Variants in KSR2 observed in about 807,000 individuals in gnomAD.
The protein encoded by KSR2 is kinase suppressor of ras 2.
In KSR2, 25 loss-of-function variants were observed where a neutral mutation model predicts 107.8. The ratio of observed to expected loss-of-function variants is 0.23; its 90% CI spans 0.17 to 0.32. The LOEUF (loss-of-function observed/expected upper bound fraction) is 0.32, where lower values mean the gene tolerates loss of function less well. KSR2 is among the 10% of genes least tolerant of loss of function. KSR2 has a pLI of 1.00. For synonymous variants in KSR2, 480 were observed against 507.0 expected (o/e 0.95, Z 0.71); for missense variants, 887 against 1,268.9 (o/e 0.70, Z 4.57).
intron 5 of KSR2, among the ~76,000 whole-genome samples, chr12:117,607,505 T>A (rs1412839822): frequency 6.6e-6 from 1 of 152,150 alleles, no homozygotes; most frequent in Non-Finnish European, 1.5e-5. Flanking sequence ...GCGCTGGAGC[T>A]GGGAACCCTG....
chr12:117,777,097 T>A (rs1403447517), intron 3 of KSR2, among the ~76,000 whole-genome samples: 1 of 106,436 alleles, frequency 9.4e-6, no homozygotes, highest in Non-Finnish European at 1.8e-5. Flanking sequence ...TTTATATATA[T>A]ATATATATAT....
intron 7 of KSR2, among the ~76,000 whole-genome samples, chr12:117,565,895 CAAGTTTAAGACTTG>C (rs1310690513): frequency 6.6e-6 from 1 of 152,196 alleles, no homozygotes; most frequent in African/African-American, 2.4e-5. Context: ...AGACTGCAAT[CAAGTTTAAGACTTG>C]AAGTTTAAGA....
At chr12:117,819,843 C>A (rs1891501222) in intron 3 of KSR2, among the ~76,000 whole-genome samples, 1 of 151,442 alleles carries the variant, frequency 6.6e-6, no homozygotes, top group African/African-American at 2.4e-5. Flanking sequence ...ATGACATGGC[C>A]CTCCAAAAAA....
intron 5 of KSR2, among the ~76,000 whole-genome samples, chr12:117,596,126 C>T (rs1565918159): frequency 7.0e-6 from 1 of 142,604 alleles, no homozygotes; most frequent in Non-Finnish European, 1.5e-5. Context: ...GTAATTTATA[C>T]AGAAAAAGAG....
chr12:117,914,874 T>A (rs1479332410), intron 1 of KSR2, among the ~76,000 whole-genome samples: 1 of 152,166 alleles, frequency 6.6e-6, no homozygotes, highest in Admixed American at 6.5e-5. Flanking sequence ...TGGTGTGAAC[T>A]GAGGCTGAAT....
intron 3 of KSR2, among the ~76,000 whole-genome samples, chr12:117,836,685 G>A (rs575866686): frequency 2.6e-5 from 4 of 152,310 alleles, no homozygotes; most frequent in African/African-American, 7.2e-5. Flanking sequence ...TGACGCAGCC[G>A]GGAGGCCCAG....
At chr12:117,603,392 A>G (rs1004739411) in intron 5 of KSR2, among the ~76,000 whole-genome samples, 3 of 152,250 alleles carry the variant, frequency 2.0e-5, no homozygotes, top group African/African-American at 7.2e-5. Context: ...GAACTTACAG[A>G]TAAGTCAACT....
At chr12:117,917,758 G>C (rs1420538449) in intron 1 of KSR2, among the ~76,000 whole-genome samples, 1 of 152,046 alleles carries the variant, frequency 6.6e-6, no homozygotes, top group Non-Finnish European at 1.5e-5. Context: ...ATACTCTGAA[G>C]CCTTACTGTA....
At chr12:117,646,310 C>T (rs1883636357) in intron 5 of KSR2, among the ~76,000 whole-genome samples, 1 of 152,304 alleles carries the variant, frequency 6.6e-6, no homozygotes, top group South Asian at 2.1e-4. Context: ...TCTGCAGAAG[C>T]AGCAGCTGAA....
At chr12:117,495,420 A>G (rs1197278755) in intron 14 of KSR2, among the ~76,000 whole-genome samples, 1 of 152,250 alleles carries the variant, frequency 6.6e-6, no homozygotes, top group African/African-American at 2.4e-5. Flanking sequence ...CATGCCAGAA[A>G]GCAAGTGAGA....
At position 117,469,707 on chromosome 12, in the gene KSR2, CG is replaced by C; in HGVS notation, c.2800del (p.Arg934GlufsTer75). On this transcript the variant is annotated frameshift_variant, in exon 19 of 20. Coordinates refer to ENST00000339824, the MANE Select transcript of KSR2 (RefSeq NM_173598.6). LOFTEE classifies it high-confidence loss of function. ...TCCAGGGTGAGACAGGCGACGGTTT[CG>C]CTTTGGCAGTTTCTCCAGCATGTCC... Reference protein sequence around the residue: ...LMDMLEKLPKRNRRLSHPGHF... With the variant: ...LMDMLEKLPKXNRRLSHPGHF... 1 of 1,613,584 alleles carries C rather than the reference CG, an allele frequency of 6.2e-7. No individual in the cohort carries two copies. The highest frequency in any genetic ancestry group is 8.5e-7 in the Non-Finnish European group (1 of 1,179,746).
intron 14 of KSR2, among the ~76,000 whole-genome samples, chr12:117,489,446 C>G (rs1020584285): frequency 2.8e-4 from 42 of 150,856 alleles, no homozygotes; most frequent in African/African-American, 8.8e-4. Flanking sequence ...ATTTGGGAGG[C>G]TGAGGAGGGA....
intron 1 of KSR2, among the ~76,000 whole-genome samples, chr12:117,880,805 T>G (rs1894002774): frequency 6.7e-6 from 1 of 150,126 alleles, no homozygotes; most frequent in African/African-American, 2.5e-5. Context: ...GTAGCTGGGA[T>G]TACAGGTGCA....
intron 3 of KSR2, among the ~76,000 whole-genome samples, chr12:117,840,512 C>T (rs1162631554): frequency 6.6e-6 from 1 of 152,144 alleles, no homozygotes; most frequent in Non-Finnish European, 1.5e-5. Flanking sequence ...TATCCTGCCT[C>T]AGCCTCTCAA....
intron 15 of KSR2, 41 bp from the exon 16 acceptor site, chr12:117,484,590 T>C: frequency 6.2e-7 from 1 of 1,607,388 alleles, no homozygotes; most frequent in Non-Finnish European, 8.5e-7. Flanking sequence ...GAGAAAAACC[T>C]AAGAGCTTGC....
intron 1 of KSR2, among the ~76,000 whole-genome samples, chr12:117,902,129 T>C (rs1894702842): frequency 6.6e-6 from 1 of 152,180 alleles, no homozygotes; most frequent in African/African-American, 2.4e-5. Flanking sequence ...TTGAAAATTC[T>C]CGATGTAGTA....
At chr12:117,516,760 T>C (rs576383076) in intron 14 of KSR2, among the ~76,000 whole-genome samples, 162 of 152,316 alleles carry the variant, frequency 1.1e-3, no homozygotes, top group African/African-American at 3.7e-3. Context: ...TTCATACACA[T>C]ACTGTTTAGT....
At chr12:117,663,044 T>C (rs1884504260) in intron 5 of KSR2, among the ~76,000 whole-genome samples, 1 of 152,188 alleles carries the variant, frequency 6.6e-6, no homozygotes, top group Admixed American at 6.5e-5. Flanking sequence ...GGTTAGTCAA[T>C]GTGGGTGCTG....
intron 14 of KSR2, among the ~76,000 whole-genome samples, chr12:117,516,746 G>A (rs1874402909): frequency 6.6e-6 from 1 of 152,170 alleles, no homozygotes; most frequent in Admixed American, 6.5e-5. Flanking sequence ...CCAAAGGGGA[G>A]TGTTTCATAC....
Sources: allele counts gnomAD v4.1 joint callset (sites outside exome capture counted in the v4.1 genomes callset), GRCh38; gene constraint gnomAD v4.1.1; transcripts MANE v1.5; gene names NCBI Gene and HGNC (gene_info 2026-07-23, HGNC 2026-07-21).